The following TUT7 variants were observed in gnomAD, a reference collection of about 807,000 sequenced individuals.
The protein encoded by TUT7 is terminal uridylyl transferase 7.
Under a neutral mutation model 165.9 loss-of-function variants are expected in TUT7, and 33 were observed. The ratio of observed to expected loss-of-function variants is 0.20; its 90% CI spans 0.15 to 0.27. The LOEUF (loss-of-function observed/expected upper bound fraction) is 0.27. TUT7 is among the 10% of genes least tolerant of loss of function. The pLI is 1.00. For synonymous variants in TUT7, 552 were observed against 608.1 expected (o/e 0.91, Z 1.36); for missense variants, 1,338 against 1,762.3 (o/e 0.76, Z 4.31).
chr9:86,310,056 A>G, intron 18 of TUT7, 39 bp from the exon 19 acceptor site: 1 of 1,521,400 alleles, frequency 6.6e-7, no homozygotes, highest in Non-Finnish European at 9.0e-7. Flanking sequence ...CTAACAATGA[A>G]GTGTAAAGGG....
At chr9:86,352,196 A>T (rs781157034) in intron 2 of TUT7, among the ~76,000 whole-genome samples, 2 of 152,218 alleles carry the variant, frequency 1.3e-5, no homozygotes, top group African/African-American at 4.8e-5. Context: ...TCCAAAAGAT[A>T]TATCTCTTGT....
At chr9:86,302,996 T>C (rs1827089500) in intron 25 of TUT7, 90 bp downstream of exon 25, 1 of 592,642 alleles carries the variant, frequency 1.7e-6, no homozygotes, top group Non-Finnish European at 3.0e-6. Context: ...TTTACACAAG[T>C]GTATTTTCTT....
At chr9:86,309,628 T>G (rs773401977) in intron 19 of TUT7, 52 bp from the exon 20 acceptor site, 1 of 1,394,720 alleles carries the variant, frequency 7.2e-7, no homozygotes. Context: ...TCTGCTAACT[T>G]TGCATCCATT....
At chr9:86,302,990 C>T in intron 25 of TUT7, 96 bp downstream of exon 25, 1 of 574,208 alleles carries the variant, frequency 1.7e-6, no homozygotes, top group Non-Finnish European at 3.1e-6. Context: ...CTGGATTTTA[C>T]ACAAGTGTAT....
At chr9:86,346,046 G>A (rs375506840) in intron 3 of TUT7, among the ~76,000 whole-genome samples, 3 of 152,104 alleles carry the variant, frequency 2.0e-5, no homozygotes, top group African/African-American at 4.8e-5. Context: ...CACTGTGCCT[G>A]GCTTCTTCTT....
chr9:86,300,018 T>C lies in TUT7; in HGVS notation c.4420+1258A>G, dbSNP rs1047204753. Among the ~76,000 whole-genome samples, 4 of 152,356 alleles carry C rather than the reference T, an allele frequency of 2.6e-5. No individual in the cohort carries two copies. The East Asian group carries it at 7.7e-4, about 29-fold the overall frequency. On this transcript the variant is annotated intron_variant, in intron 26 of 26. Transcript: ENST00000375963. ...AGTACTTAAAATAGTGCCTAACTCA[T>C]AGTGAATGCTCAATGAATGTTAGCA... is the stretch of plus-strand genomic sequence containing the variant.
At chr9:86,321,063 T>A (rs1204274647) in intron 14 of TUT7, among the ~76,000 whole-genome samples, 1 of 152,152 alleles carries the variant, frequency 6.6e-6, no homozygotes, top group Admixed American at 6.5e-5. Context: ...ACTTGAATTT[T>A]AATTTTTGGC....
chr9:86,312,652 C>T (rs556104190), intron 17 of TUT7, among the ~76,000 whole-genome samples: 6 of 152,068 alleles, frequency 3.9e-5, no homozygotes, highest in African/African-American at 1.2e-4. Flanking sequence ...ATGACAATGG[C>T]GGTTTTGTGG....
intron 14 of TUT7, among the ~76,000 whole-genome samples, chr9:86,321,124 G>A (rs1444090652): frequency 7.9e-5 from 12 of 151,790 alleles, no homozygotes; most frequent in African/African-American, 2.9e-4. Context: ...AGGTCAAGGC[G>A]AGCGGATCAC....
Position 86,288,747 on chromosome 9 carries a change from A to C in TUT7, c.4421-3T>G. The C allele has an allele frequency of 6.2e-7, 1 of 1,610,652 alleles. No homozygotes were observed. On this transcript the variant is annotated splice_region_variant and splice_polypyrimidine_tract_variant and intron_variant, in intron 26 of 26. Transcript: ENST00000375963. ...CATATATTTACTGGAAAGGCTACCT[A>C]GAGGAGGGGAAGAAACAAAACCCAA...
intron 2 of TUT7, among the ~76,000 whole-genome samples, chr9:86,350,635 C>G (rs898045895): frequency 1.2e-4 from 18 of 152,204 alleles, no homozygotes; most frequent in African/African-American, 4.3e-4. Flanking sequence ...GAAATTTAAC[C>G]TCTCTGAGCT....
chr9:86,297,921 C>CTTTTTTTTTTTTTTTTT lies in TUT7; in HGVS notation c.4420+3354_4420+3355insAAAAAAAAAAAAAAAAA, dbSNP rs59651352. ...CTCACTCACCCTTCTGCCTGCTCCA[C>CTTTTTTTTTTTTTTTTT]TTTTTTTTTTTTTTCAAATTTCTTC... On this transcript the variant is annotated intron_variant, in intron 26 of 26. Transcript: ENST00000375963. Among the ~76,000 whole-genome samples the CTTTTTTTTTTTTTTTTT allele has an allele frequency of 6.9e-5, 6 of 86,496 alleles. 1 individual carries two copies. Among genetic ancestry groups the CTTTTTTTTTTTTTTTTT allele is most frequent in the Admixed American group, 1.4e-4 (1 of 6,938 alleles). The allele number at this position is 86,496 out of a possible 152,430, so 56.7% of individuals were successfully genotyped here. A position where few individuals can be genotyped will look rare whatever the true frequency, so the allele number is the denominator to read the frequency against.
chr9:86,323,197 G>T lies in TUT7; in HGVS notation c.2553C>A (p.Asp851Glu). ...GTTCTTCTTCCTCCTCCTCTTCTTC[G>T]TCGTCCTCCTCCTCTTCATCAGAGG... ...MIPSDEEEEDDEEEEEEEEPR... is the reference protein window; with the variant it reads ...MIPSDEEEEDEEEEEEEEEPR... Residue 851 changes from aspartate to glutamate, a missense_variant, in exon 13 of 27, where the codon GAC becomes GAA. Around this residue, in one of 7 missense-constraint regions of TUT7, gnomAD observed 425 missense variants for 474.9 expected, o/e 0.89. Coordinates refer to ENST00000375963, the MANE Select transcript of TUT7 (RefSeq NM_024617.4). 6.2e-7 allele frequency: 1 copy of T among 1,613,828 alleles called. No individual in the cohort carries two copies. Among genetic ancestry groups the T allele is most frequent in the South Asian group, 1.1e-5 (1 of 91,074 alleles).
At chr9:86,343,205 A>C (rs752330895) in intron 5 of TUT7, 42 bp from the exon 6 acceptor site, 1 of 1,251,698 alleles carries the variant, frequency 8.0e-7, no homozygotes, top group Admixed American at 2.6e-5. Flanking sequence ...AATACAGTAG[A>C]ATTTCTCAAA....
intron 14 of TUT7, among the ~76,000 whole-genome samples, chr9:86,321,769 T>G (rs917627994): frequency 6.6e-6 from 1 of 152,134 alleles, no homozygotes; most frequent in Non-Finnish European, 1.5e-5. Flanking sequence ...ATGATTGCTA[T>G]GTATCTTGAT....
intron 26 of TUT7, among the ~76,000 whole-genome samples, chr9:86,291,144 G>C (rs543844419): frequency 6.6e-6 from 1 of 152,164 alleles, no homozygotes; most frequent in Admixed American, 6.5e-5. Flanking sequence ...ATATACTGCA[G>C]GTAGACACTT....
chr9:86,334,921 C>T (rs2131527509), intron 10 of TUT7, among the ~76,000 whole-genome samples: 1 of 152,222 alleles, frequency 6.6e-6, no homozygotes, highest in East Asian at 1.9e-4. Context: ...TGGTCATTTG[C>T]TCCAAGTTTT....
At chr9:86,313,126 TAATAAATAAATAAATAAATA>T (rs111966143) in intron 17 of TUT7, among the ~76,000 whole-genome samples, 1 of 142,550 alleles carries the variant, frequency 7.0e-6, no homozygotes, top group Non-Finnish European at 1.5e-5. Flanking sequence ...GAATGATCAA[TAATAAATAAATAAATAAATA>T]AATAAATAAA....
rs141650306 is a variant in TUT7, at chr9:86,338,928, G to A, written c.1230C>T (p.Ser410=). The stretch of plus-strand genomic sequence containing the variant: ...TCAGACAAGCATTTTCATTTCCTGC[G>A]CTCACTTTACACAGAAGACCACTGG... ...EKQSGLLCKV[S]AGNENACLTT... is the part of the protein sequence containing the mutation. The change falls in exon 9 of 27, where the codon AGC becomes AGT. Residue 410 remains serine (S), a synonymous_variant. Transcript: ENST00000375963. The A allele has an allele frequency of 4.8e-5, 78 of 1,608,570 alleles. 1 individual carries two copies. The highest frequency in any genetic ancestry group is 3.3e-4 in the African/African-American group (25 of 74,704).
Sources: allele counts gnomAD v4.1 joint callset (sites outside exome capture counted in the v4.1 genomes callset), GRCh38; gene constraint gnomAD v4.1.1; regional missense constraint gnomAD v4.1.1; transcripts MANE v1.5; gene names NCBI Gene and HGNC (gene_info 2026-07-23, HGNC 2026-07-21).